Variants in CDKAL1 observed in about 807,000 individuals in gnomAD.
CDKAL1 encodes CDKAL1 threonylcarbamoyladenosine tRNA methylthiotransferase, also known as threonylcarbamoyladenosine tRNA methylthiotransferase.
In CDKAL1, 32 loss-of-function variants were observed where a neutral mutation model predicts 68.2. The ratio of observed to expected loss-of-function variants is 0.47; its 90% CI spans 0.35 to 0.63. The LOEUF (loss-of-function observed/expected upper bound fraction) is 0.63. Ranked by LOEUF, CDKAL1 falls within the 30% of genes least tolerant of loss-of-function variation. The pLI is 0.00. For missense variants in CDKAL1, 606 were observed against 696.7 expected, an observed-to-expected ratio of 0.87 and a Z score of 1.47; for synonymous variants, 234 against 244.3, an observed-to-expected ratio of 0.96 and a Z score of 0.39.
chr6:20,893,235 G>C (rs1278320479), intron 9 of CDKAL1, among the ~76,000 whole-genome samples: 1 of 152,166 alleles, frequency 6.6e-6, no homozygotes, highest in Admixed American at 6.5e-5. Flanking sequence ...GAGTCAGTTA[G>C]ATAATCATGA....
At chr6:20,709,545 T>C (rs2127828092) in intron 5 of CDKAL1, among the ~76,000 whole-genome samples, 1 of 152,266 alleles carries the variant, frequency 6.6e-6, no homozygotes, top group Non-Finnish European at 1.5e-5. Context: ...GTGCTCATTG[T>C]CCCTAGACTC....
intron 15 of CDKAL1, among the ~76,000 whole-genome samples, chr6:21,229,213 T>C (rs773950600): frequency 4.8e-4 from 73 of 152,204 alleles, no homozygotes; most frequent in Non-Finnish European, 9.7e-4. Flanking sequence ...AATAGGAGCC[T>C]GTGGAAACTG....
At chr6:21,217,787 C>T (rs1448668093) in intron 15 of CDKAL1, among the ~76,000 whole-genome samples, 1 of 152,082 alleles carries the variant, frequency 6.6e-6, no homozygotes, top group Non-Finnish European at 1.5e-5. Flanking sequence ...CGTGAGCCAC[C>T]ACATCTGGCT....
intron 15 of CDKAL1, among the ~76,000 whole-genome samples, chr6:21,218,312 G>T (rs991065091): frequency 9.9e-5 from 15 of 152,164 alleles, no homozygotes; most frequent in African/African-American, 3.4e-4. Context: ...TGTGTGAATT[G>T]GTATCCAGCC....
intron 5 of CDKAL1, among the ~76,000 whole-genome samples, chr6:20,700,133 C>T (rs986948904): frequency 1.3e-5 from 2 of 151,040 alleles, no homozygotes; most frequent in Non-Finnish European, 2.9e-5. Flanking sequence ...ATTTTATTTA[C>T]TAACTATCAA....
At chr6:20,714,510 T>A (rs985610066) in intron 5 of CDKAL1, among the ~76,000 whole-genome samples, 14 of 148,212 alleles carry the variant, frequency 9.4e-5, no homozygotes, top group African/African-American at 3.0e-4. Flanking sequence ...CACTTCAGCC[T>A]CCCAAGTAGC....
intron 4 of CDKAL1, among the ~76,000 whole-genome samples, chr6:20,576,681 G>A (rs1369406440): frequency 6.6e-6 from 1 of 152,064 alleles, no homozygotes; most frequent in African/African-American, 2.4e-5. Context: ...GTTCCTTGTA[G>A]CAAACTCTAT....
intron 1 of CDKAL1, 64 bp from the exon 2 acceptor site, chr6:20,535,287 T>C (rs1763123484): frequency 6.6e-6 from 1 of 152,384 alleles, no homozygotes; most frequent in Non-Finnish European, 1.5e-5. Flanking sequence ...AAGTAAAGAA[T>C]CCTTACAGTG....
At chr6:20,997,744 TTA>T (rs988304034) in intron 10 of CDKAL1, among the ~76,000 whole-genome samples, 2 of 152,082 alleles carry the variant, frequency 1.3e-5, no homozygotes, top group African/African-American at 2.4e-5. Context: ...CCTTTCAAAT[TTA>T]TGTCATGCAA....
chr6:21,043,539 A>G (rs1770051872), intron 11 of CDKAL1, among the ~76,000 whole-genome samples: 1 of 152,206 alleles, frequency 6.6e-6, no homozygotes, highest in African/African-American at 2.4e-5. Flanking sequence ...TGCAAAAAGC[A>G]TGCTAGGCTT....
At chr6:21,130,439 G>C (rs540427400) in intron 13 of CDKAL1, among the ~76,000 whole-genome samples, 1 of 152,182 alleles carries the variant, frequency 6.6e-6, no homozygotes, top group East Asian at 1.9e-4. Flanking sequence ...TGGCCAGGCT[G>C]GTCTCAAACT....
At chr6:20,915,931 T>G (rs138506684) in intron 9 of CDKAL1, among the ~76,000 whole-genome samples, 1 of 152,038 alleles carries the variant, frequency 6.6e-6, no homozygotes, top group East Asian at 1.9e-4. Flanking sequence ...CCAATTATGT[T>G]GAGTTAAAAA....
At chr6:20,962,419 A>AG (rs1468084736) in intron 10 of CDKAL1, among the ~76,000 whole-genome samples, 1 of 152,216 alleles carries the variant, frequency 6.6e-6, no homozygotes, top group African/African-American at 2.4e-5. Context: ...CAATGACCTT[A>AG]TATTCTAACC....
Position 20,992,196 on chromosome 6 carries a change from T to TATA in CDKAL1, c.910-8031_910-8030insATA, listed in dbSNP as rs1554155229. On this transcript the variant is annotated intron_variant, in intron 10 of 15. Transcript: ENST00000274695. ...GCACACGTGACCATAGTCAGCTTTT[T>TATA]TATATATATATATATGTATTTTGTA... Among the ~76,000 whole-genome samples the TATA allele has an allele frequency of 4.1e-3, 585 of 141,070 alleles. 37 individuals are homozygous for TATA. The highest frequency in any genetic ancestry group is 0.016 in the African/African-American group (556 of 34,376). 92.5% of individuals were successfully genotyped at this position (141,070 alleles called of 152,430 possible).
At chr6:20,970,553 G>A (rs533103905) in intron 10 of CDKAL1, among the ~76,000 whole-genome samples, 2 of 152,270 alleles carry the variant, frequency 1.3e-5, no homozygotes, top group South Asian at 4.1e-4. Flanking sequence ...ATCAATATGT[G>A]AAGTTGAATC....
intron 13 of CDKAL1, among the ~76,000 whole-genome samples, chr6:21,122,604 C>T (rs531045836): frequency 6.7e-6 from 1 of 149,448 alleles, no homozygotes; most frequent in South Asian, 2.1e-4. Context: ...GGATGTAATA[C>T]TGATTTGTTA....
intron 11 of CDKAL1, among the ~76,000 whole-genome samples, chr6:21,001,125 G>A (rs975246947): frequency 6.6e-6 from 1 of 152,174 alleles, no homozygotes; most frequent in African/African-American, 2.4e-5. Context: ...TCTCCCCTCT[G>A]GGGATATGTC....
At chr6:20,846,793 ACTTAT>A (rs1400613058) in intron 9 of CDKAL1, among the ~76,000 whole-genome samples, 3 of 152,140 alleles carry the variant, frequency 2.0e-5, no homozygotes, top group Non-Finnish European at 2.9e-5. Flanking sequence ...ATATAGTAAG[ACTTAT>A]CTTTAACATG....
At chr6:21,220,032 G>C (rs1027256648) in intron 15 of CDKAL1, among the ~76,000 whole-genome samples, 3 of 152,074 alleles carry the variant, frequency 2.0e-5, no homozygotes, top group African/African-American at 7.2e-5. Context: ...CTTCAACTTT[G>C]CCACACCTGT....
Sources: gnomAD v4.1 joint callset for allele counts (sites outside exome capture counted in the v4.1 genomes callset) on GRCh38, gnomAD v4.1.1 for gene constraint, MANE v1.5 for transcripts, NCBI Gene and HGNC (gene_info 2026-07-23, HGNC 2026-07-21) for gene names.